SNRPN: variants seen among roughly 807,000 people sequenced by gnomAD.
SNRPN encodes the protein small nuclear ribonucleoprotein-associated protein N.
Under a neutral mutation model 25.2 loss-of-function variants are expected in SNRPN, and 7 were observed. The ratio of observed to expected loss-of-function variants is 0.28; its 90% CI spans 0.16 to 0.52. The LOEUF (loss-of-function observed/expected upper bound fraction) is 0.52. Ranked by LOEUF, SNRPN falls within the 20% of genes least tolerant of loss-of-function variation. The pLI is 0.96. For missense variants in SNRPN, 196 were observed against 322.5 expected (o/e 0.61, Z 3.00); for synonymous variants, 124 against 110.6 (o/e 1.12, Z -0.76).
intron 3 of SNRPN, among the ~76,000 whole-genome samples, chr15:24,948,304 G>C (rs2153173187): frequency 6.6e-6 from 1 of 152,030 alleles, no homozygotes; most frequent in Non-Finnish European, 1.5e-5. Flanking sequence ...AGTATAGACG[G>C]GGTTTCATCA....
chr15:24,845,218 C>T (rs902635575), intron 2 of SNRPN, among the ~76,000 whole-genome samples: 38 of 152,282 alleles, frequency 2.5e-4, no homozygotes, highest in African/African-American at 9.1e-4. Flanking sequence ...TACATACATA[C>T]ATATATGTAT....
chr15:24,958,214 A>G (rs2063227491), intron 1 of SNRPN, among the ~76,000 whole-genome samples: 4 of 152,106 alleles, frequency 2.6e-5, no homozygotes. Flanking sequence ...TTTACAAAAA[A>G]TTTTGTTTAT....
At position 24,857,996 on chromosome 15, in the gene SNRPN, A is replaced by G. The variant is rs577988230; in HGVS notation, c.-579+1280A>G. On this transcript the variant is annotated intron_variant, in intron 1 of 11. Transcript: ENST00000400097. ...GTTCCCCGGTTGGGGCCATAAGATC[A>G]GATGAGTCAGTTTATTGATCTGGGT... 3.9e-5 allele frequency among the ~76,000 whole-genome samples: 6 copies of G among 152,198 alleles called. No individual in the cohort carries two copies. In the South Asian group the frequency reaches 1.2e-3, roughly 32 times the overall value.
At chr15:24,960,719 T>C (rs2074640180) in intron 1 of SNRPN, among the ~76,000 whole-genome samples, 1 of 152,202 alleles carries the variant, frequency 6.6e-6, no homozygotes, top group South Asian at 2.1e-4. Context: ...ATCGTAGCAA[T>C]AGAATTTGCC....
intron 1 of SNRPN, among the ~76,000 whole-genome samples, chr15:24,876,322 T>G (rs539463035): frequency 2.0e-5 from 3 of 152,048 alleles, no homozygotes; most frequent in Non-Finnish European, 2.9e-5. Context: ...AAAATCAGAT[T>G]AAAGATACTG....
At chr15:24,958,848 G>A (rs1290492070) in intron 1 of SNRPN, 2 of 154,154 alleles carry the variant, frequency 1.3e-5, no homozygotes, top group South Asian at 2.0e-4. Flanking sequence ...CCTCCCAAGT[G>A]CCTGTTAGTA....
At chr15:24,892,843 G>T (rs776318523) in intron 2 of SNRPN, among the ~76,000 whole-genome samples, 19 of 152,074 alleles carry the variant, frequency 1.2e-4, no homozygotes, top group Non-Finnish European at 2.1e-4. Flanking sequence ...TCAAGAAAAG[G>T]CTTTTTGTCA....
chr15:24,882,701 T>G (rs36080259), intron 1 of SNRPN, among the ~76,000 whole-genome samples: 17,847 of 151,796 alleles, frequency 0.12, 1,342 homozygotes, highest in Middle Eastern at 0.18. Context: ...GGTGCACATC[T>G]GTAATCCCAG....
rs1429345875 is a variant in SNRPN, at chr15:24,976,891, G to A, written c.282G>A (p.Arg94=). 1.2e-6 allele frequency: 2 copies of A among 1,608,046 alleles called. No individual in the cohort carries two copies. Among genetic ancestry groups the A allele is most frequent in the East Asian group, 4.5e-5 (2 of 44,608 alleles). Residue 94 remains arginine (R), a synonymous_variant, in exon 7 of 10, where the codon CGG becomes CGA. Transcript: ENST00000390687. ...GPPPKDTGIA[R]VPLAGAAGGP... ...TCTTGTTTCAGACTGGCATTGCTCGGGTACCACTTGCTGGAGCTGCTGGAG... is the reference window on the plus strand; with the variant it reads ...TCTTGTTTCAGACTGGCATTGCTCGAGTACCACTTGCTGGAGCTGCTGGAG...
chr15:24,899,249 A>G (rs2058286900), intron 2 of SNRPN, among the ~76,000 whole-genome samples: 1 of 152,220 alleles, frequency 6.6e-6, no homozygotes, highest in African/African-American at 2.4e-5. Flanking sequence ...AATATTGTAA[A>G]TACCATCACT....
chr15:24,905,265 C>G (rs969121390), intron 2 of SNRPN, among the ~76,000 whole-genome samples: 8 of 152,002 alleles, frequency 5.3e-5, no homozygotes, highest in African/African-American at 1.7e-4. Context: ...AAACCCAGCA[C>G]TTTGGGAGGC....
intron 2 of SNRPN, among the ~76,000 whole-genome samples, chr15:24,834,751 C>CTCTCTATATATATATA: frequency 1.8e-4 from 11 of 60,954 alleles, no homozygotes; most frequent in Non-Finnish European, 3.0e-4. Context: ...CTCTCTCTCT[C>CTCTCTATATATATATA]TATATATATA....
rs201209820 is a variant in SNRPN, at chr15:24,919,072, A to AAT, written c.-504-932_-504-931dup. ...ATATGTGCGCATATATATATAACAT[A>AAT]ATATATATGTGCGCATATATATATA... On this transcript the variant is annotated intron_variant, in intron 2 of 11. Coordinates refer to the SNRPN transcript ENST00000400097. Among the ~76,000 whole-genome samples, 193 of 146,106 alleles carry AAT rather than the reference A, an allele frequency of 1.3e-3. 12 individuals are homozygous for AAT. Among genetic ancestry groups the AAT allele is most frequent in the African/African-American group, 4.2e-3 (167 of 39,328 alleles).
At chr15:24,957,650 G>A (rs997508737) in intron 1 of SNRPN, among the ~76,000 whole-genome samples, 1 of 152,158 alleles carries the variant, frequency 6.6e-6, no homozygotes, top group African/African-American at 2.4e-5. Flanking sequence ...TACGAAGCCC[G>A]AAAAGCCTTG....
chr15:24,936,846 A>C (rs539611664), intron 3 of SNRPN, among the ~76,000 whole-genome samples: 3 of 152,324 alleles, frequency 2.0e-5, no homozygotes, highest in South Asian at 2.1e-4. Context: ...ATGGGGGCAC[A>C]GACTCAAACC....
At chr15:24,862,117 A>G (rs1176898985) in intron 1 of SNRPN, among the ~76,000 whole-genome samples, 1 of 132,072 alleles carries the variant, frequency 7.6e-6, no homozygotes, top group East Asian at 2.5e-4. Flanking sequence ...AAAGCATGTC[A>G]TGGCTACCAC....
intron 8 of SNRPN, 34 bp from the exon 9 acceptor site, chr15:24,978,159 A>G (rs767517222): frequency 3.8e-6 from 6 of 1,599,768 alleles, no homozygotes; most frequent in Middle Eastern, 1.8e-4. Context: ...AAGCCATTTT[A>G]TGAGGCCTTT....
chr15:24,913,927 T>G (rs887574462), intron 2 of SNRPN, among the ~76,000 whole-genome samples: 2 of 152,120 alleles, frequency 1.3e-5, no homozygotes, highest in South Asian at 4.1e-4. Flanking sequence ...AAAAGGAGAT[T>G]GTGTCCGTAG....
intron 2 of SNRPN, among the ~76,000 whole-genome samples, chr15:24,837,193 A>T: frequency 6.6e-6 from 1 of 152,072 alleles, no homozygotes; most frequent in Non-Finnish European, 1.5e-5. Flanking sequence ...TCCAAAGGTA[A>T]CTCTGGCGAA....
Sources: allele counts gnomAD v4.1 joint callset (sites outside exome capture counted in the v4.1 genomes callset), GRCh38; gene constraint gnomAD v4.1.1; transcripts MANE v1.5; gene names NCBI Gene and HGNC (gene_info 2026-07-23, HGNC 2026-07-21).